INTS2: variants seen among roughly 807,000 people sequenced by gnomAD.
INTS2 encodes integrator complex subunit 2.
INTS2 carries 57 observed loss-of-function variants against 139.6 expected under a neutral mutation model. That is an observed-to-expected ratio of 0.41 (90% CI 0.33 to 0.51). The LOEUF (loss-of-function observed/expected upper bound fraction) is 0.51, where lower values mean the gene tolerates loss of function less well. Ranked by LOEUF, INTS2 falls within the 20% of genes least tolerant of loss-of-function variation. The pLI is 0.28. For synonymous variants in INTS2, 473 were observed against 493.4 expected, an observed-to-expected ratio of 0.96 and a Z score of 0.55; for missense variants, 1,196 against 1,436.7, an observed-to-expected ratio of 0.83 and a Z score of 2.71.
At position 61,897,858 on chromosome 17, in the gene INTS2, A is replaced by C; in HGVS notation, c.1308-119T>G. On this transcript the variant is annotated intron_variant, in intron 9 of 24. Transcript: ENST00000251334. The surrounding 1 kb of genome is among the most constrained non-coding windows in gnomAD (Gnocchi z 4.4). ...TTTTCCTGCCCTATTTTCAAGTATC[A>C]AGTCAAATTAAAGGCTTGCTGAATT... The C allele has an allele frequency of 1.4e-6, 1 of 724,432 alleles. No homozygotes were observed. 44.9% of individuals were successfully genotyped at this position (724,432 alleles called of 1,614,324 possible).
chr17:61,911,978 T>C lies in INTS2; in HGVS notation c.742A>G (p.Met248Val), dbSNP rs779697856. 3 of 1,613,752 alleles carry C rather than the reference T, an allele frequency of 1.9e-6. No individual in the cohort carries two copies. The highest frequency in any genetic ancestry group is 2.2e-5 in the East Asian group (1 of 44,866). ...RTDALRFLCK[M>V]NPSQALKVRG... ...ACCTTGAGGGCCTGAGAAGGATTCATTTTACACAAGAAGCGTAAGGCATCT... is the reference window on the plus strand; with the variant it reads ...ACCTTGAGGGCCTGAGAAGGATTCACTTTACACAAGAAGCGTAAGGCATCT... The change falls in exon 6 of 25, where the codon ATG (methionine) becomes GTG (valine). Residue 248 changes from methionine to valine, a missense_variant. By Grantham distance (21) the Met-to-Val change is conservative (BLOSUM62 1). Coordinates refer to ENST00000251334, the MANE Select transcript of INTS2 (RefSeq NM_001351695.2).
Position 61,882,620 on chromosome 17 carries a change from T to C in INTS2, c.2090-1449A>G, listed in dbSNP as rs2079187562. 1.3e-5 allele frequency among the ~76,000 whole-genome samples: 2 copies of C among 152,076 alleles called. No homozygotes were observed. Among genetic ancestry groups the C allele is most frequent in the Non-Finnish European group, 2.9e-5 (2 of 68,012 alleles). On this transcript the variant is annotated intron_variant, in intron 16 of 24. Coordinates refer to ENST00000251334, the MANE Select transcript of INTS2 (RefSeq NM_001351695.2). The surrounding 1 kb of genome is among the most constrained non-coding windows in gnomAD (Gnocchi z 4.7). ...GGCACACGCCTGTAATCCTGGCTAC[T>C]TGGGAGGCTGAGGCACAAGAATTGC...
chr17:61,874,874 A>T, intron 19 of INTS2, 39 bp downstream of exon 19: 1 of 1,482,558 alleles, frequency 6.7e-7, no homozygotes, highest in South Asian at 1.4e-5. Context: ...TCTCCAAAGT[A>T]CAGCTCTATA....
chr17:61,903,961 C>A (rs1188115542), intron 9 of INTS2, among the ~76,000 whole-genome samples: 1 of 151,940 alleles, frequency 6.6e-6, no homozygotes, highest in Non-Finnish European at 1.5e-5. Flanking sequence ...AGCAGTAAAA[C>A]ACAAAATAAA....
rs986519282 is a variant in INTS2, at chr17:61,875,944, G to C, written c.2457-906C>G. On this transcript the variant is annotated intron_variant, in intron 18 of 24. Coordinates refer to ENST00000251334, the MANE Select transcript of INTS2 (RefSeq NM_001351695.2). The surrounding 1 kb of genome is among the most constrained non-coding windows in gnomAD (Gnocchi z 4.6). ...AGCACTTTGGGAGGCTGAGGCAGAA[G>C]GTTCGCTTGAGCCCAGGAGTTCAAG... Among the ~76,000 whole-genome samples the C allele has an allele frequency of 3.9e-5, 6 of 152,110 alleles. No homozygotes were observed. The highest frequency in any genetic ancestry group is 2.0e-4 in the Admixed American group (3 of 15,262).
rs1031347383 is a variant in INTS2, at chr17:61,893,114, A to T, written c.1698+651T>A. ...AGAGTGAGACCCTGTCTTTAAAATT[A>T]AAAAAAAAAATTAGAAAATGGCAGT... On this transcript the variant is annotated intron_variant, in intron 13 of 24. Coordinates refer to ENST00000251334, the MANE Select transcript of INTS2 (RefSeq NM_001351695.2). This position sits in a 1 kb window ranked among gnomAD's most constrained non-coding sequence, Gnocchi z 5.4. Among the ~76,000 whole-genome samples the T allele has an allele frequency of 2.1e-5, 3 of 143,264 alleles. No homozygotes were observed. The highest frequency in any genetic ancestry group is 7.0e-5 in the Admixed American group (1 of 14,284). The allele number at this position is 143,264 out of a possible 152,430, so 94.0% of individuals were successfully genotyped here.
rs1603377746 is a variant in INTS2, at chr17:61,895,954, A to C, written c.1495-571T>G. On this transcript the variant is annotated intron_variant, in intron 11 of 24. Coordinates refer to ENST00000251334, the MANE Select transcript of INTS2 (RefSeq NM_001351695.2). ...GCAAAATAGAAAACACAAAAAGAAC[A>C]TTTACAGCCAGGTGCAGTGGTTCAC... Among the ~76,000 whole-genome samples, 6 of 152,104 alleles carry C rather than the reference A, an allele frequency of 3.9e-5. No individual in the cohort carries two copies. In the South Asian group the frequency reaches 1.2e-3, roughly 32 times the overall value.
chr17:61,896,239 C>CAAAAA (rs1197473910), intron 11 of INTS2, among the ~76,000 whole-genome samples: 7 of 45,076 alleles, frequency 1.6e-4, no homozygotes, highest in African/African-American at 3.3e-4. Flanking sequence ...GACTCCATCT[C>CAAAAA]AAAAAAAAAA....
At chr17:61,906,758 G>A (rs1436462249) in intron 8 of INTS2, among the ~76,000 whole-genome samples, 1 of 150,928 alleles carries the variant, frequency 6.6e-6, no homozygotes, top group African/African-American at 2.4e-5. Context: ...GCTGAGGCAG[G>A]CAGAACACCT....
At chr17:61,888,655 C>T (rs2079255609) in intron 15 of INTS2, among the ~76,000 whole-genome samples, 1 of 152,048 alleles carries the variant, frequency 6.6e-6, no homozygotes. Flanking sequence ...ACCATCCCAT[C>T]TCAGCCTCCC....
At chr17:61,874,322 G>T (rs2079111044) in intron 19 of INTS2, 1 of 152,148 alleles carries the variant, frequency 6.6e-6, no homozygotes, top group African/African-American at 2.4e-5. Context: ...TATGTCCCAT[G>T]CAAATGATAA....
In INTS2 at chr17:61,868,104, G is replaced by T; in HGVS notation, c.3245-95C>A. ...AAGGGGAACTATGCTCTGTGCTGGA[G>T]ATATGAAGTTCTCTAAACACAGCCA... On this transcript the variant is annotated intron_variant, in intron 23 of 24. Coordinates refer to ENST00000251334, the MANE Select transcript of INTS2 (RefSeq NM_001351695.2). This position sits in a 1 kb window ranked among gnomAD's most constrained non-coding sequence, Gnocchi z 4.7. 2.0e-6 allele frequency: 2 copies of T among 1,010,880 alleles called. No individual in the cohort carries two copies. The highest frequency in any genetic ancestry group is 2.8e-6 in the Non-Finnish European group (2 of 724,788). 62.6% of individuals were successfully genotyped at this position (1,010,880 alleles called of 1,614,324 possible). A position where few individuals can be genotyped will look rare whatever the true frequency, so the allele number is the denominator to read the frequency against.
intron 12 of INTS2, among the ~76,000 whole-genome samples, chr17:61,895,097 T>C (rs1242888560): frequency 6.6e-6 from 1 of 152,150 alleles, no homozygotes; most frequent in African/African-American, 2.4e-5. Context: ...TCTCCAAAAA[T>C]ACATAAATTC....
chr17:61,919,418 G>T lies in INTS2; in HGVS notation c.631C>A (p.Pro211Thr). The T allele has an allele frequency of 1.3e-6, 2 of 1,573,678 alleles. No homozygotes were observed. Among genetic ancestry groups the T allele is most frequent in the South Asian group, 1.1e-5 (1 of 87,140 alleles). The part of the protein sequence containing the change: ...WFLCLLVANV[P>T]DSFNEVCRGL... ...TATTTACCTTCATTAAAACTATCAG[G>T]AACATTGGCCACCAAGAGACACAAG... is the stretch of plus-strand genomic sequence containing the variant. The change falls in exon 5 of 25, where the codon CCT (proline) becomes ACT (threonine). Residue 211 changes from proline to threonine, a missense_variant. By Grantham distance (38) the Pro-to-Thr change is conservative. This residue lies in a region of INTS2 where 1,129 missense variants were observed against 1,341.9 expected (regional missense o/e 0.84). Coordinates refer to ENST00000251334, the MANE Select transcript of INTS2 (RefSeq NM_001351695.2).
At chr17:61,902,943 G>C (rs981126224) in intron 9 of INTS2, among the ~76,000 whole-genome samples, 10 of 150,788 alleles carry the variant, frequency 6.6e-5, no homozygotes, top group Non-Finnish European at 1.5e-4. Context: ...GAGGCGGGTG[G>C]ATCGCGAGGT....
chr17:61,889,912 A>C lies in INTS2; in HGVS notation c.1876-18T>G. 3.7e-6 allele frequency: 5 copies of C among 1,354,460 alleles called. No homozygotes were observed. The highest frequency in any genetic ancestry group is 5.2e-6 in the Non-Finnish European group (5 of 958,308). The allele number at this position is 1,354,460 out of a possible 1,614,324, so 83.9% of individuals were successfully genotyped here. A position where few individuals can be genotyped will look rare whatever the true frequency, so the allele number is the denominator to read the frequency against. On this transcript the variant is annotated intron_variant, in intron 14 of 24. Coordinates refer to ENST00000251334, the MANE Select transcript of INTS2 (RefSeq NM_001351695.2). ...TTGTCACCCTGGAGGTAATATTACA[A>C]ATACTCTGAAATACTCTGAATTTCA...
In INTS2 at chr17:61,876,921, C is replaced by T. The variant is rs1256727074; in HGVS notation, c.2456+966G>A. On this transcript the variant is annotated intron_variant, in intron 18 of 24. Coordinates refer to ENST00000251334, the MANE Select transcript of INTS2 (RefSeq NM_001351695.2). This position sits in a 1 kb window ranked among gnomAD's most constrained non-coding sequence, Gnocchi z 4.1. ...CATATATGTTGAGTAAGGGGGAGGG[C>T]ACTTGCATAAGAATGAAATTGTAAT... Among the ~76,000 whole-genome samples, 1 of 152,112 alleles carries T rather than the reference C, an allele frequency of 6.6e-6. No homozygotes were observed. The highest frequency in any genetic ancestry group is 1.5e-5 in the Non-Finnish European group (1 of 68,022).
At chr17:61,889,928 C>G (rs1217615081) in intron 14 of INTS2, 34 bp from the exon 15 acceptor site, 3 of 1,286,078 alleles carry the variant, frequency 2.3e-6, no homozygotes, top group Non-Finnish European at 3.3e-6. Flanking sequence ...CTGAAATACT[C>G]TGAATTTCAC....
rs8075585 is a variant in INTS2, at chr17:61,872,126, T to A, written c.2778+139A>T. 97,047 of 495,256 alleles carry A rather than the reference T, an allele frequency of 0.2. 10,626 individuals are homozygous for A. The highest frequency in any genetic ancestry group is 0.32 in the Admixed American group (9,801 of 30,862). The allele number at this position is 495,256 out of a possible 1,614,324, so 30.7% of individuals were successfully genotyped here. ...CTCAGAAGCAAAGGTAACATCATTG[T>A]AATAGATTCTATAATAAAAGAAATG... On this transcript the variant is annotated intron_variant, in intron 20 of 24. Transcript: ENST00000251334. The surrounding 1 kb of genome is among the most constrained non-coding windows in gnomAD (Gnocchi z 4.8).
Sources: allele counts gnomAD v4.1 joint callset (sites outside exome capture counted in the v4.1 genomes callset), GRCh38; gene constraint gnomAD v4.1.1; regional missense constraint gnomAD v4.1.1; non-coding constraint Gnocchi (gnomAD v3.1); transcripts MANE v1.5; gene names NCBI Gene and HGNC (gene_info 2026-07-23, HGNC 2026-07-21).